Variants in SRPX observed in about 807,000 individuals in gnomAD.
SRPX encodes sushi repeat containing protein X-linked.
Under a neutral mutation model 38.1 loss-of-function variants are expected in SRPX, and 24 were observed. The ratio of observed to expected loss-of-function variants is 0.63; its 90% CI spans 0.46 to 0.89. The LOEUF is 0.89. Among genes scored for constraint, SRPX ranks in the 40% least tolerant of loss-of-function variants. The pLI, the probability that SRPX is intolerant of heterozygous loss-of-function variation, is 0.00. For synonymous variants in SRPX, 184 were observed against 153.8 expected (o/e 1.20, Z -1.45); for missense variants, 416 against 377.8 (o/e 1.10, Z -0.84).
Position 38,216,233 on chromosome X carries a change from C to T in SRPX, c.97+4463G>A, listed in dbSNP as rs766690671. On this transcript the variant is annotated intron_variant, in intron 1 of 9. Coordinates refer to ENST00000378533, the MANE Select transcript of SRPX (RefSeq NM_006307.5). ...CCACATAGCTCCTCTCTGTGCTCCC[C>T]GGGCCTGTCAATCCAATTGTATTAT... Among the ~76,000 whole-genome samples, 266 of 112,020 alleles carry T rather than the reference C, an allele frequency of 2.4e-3. 2 individuals carry two copies. The highest frequency in any genetic ancestry group is 8.4e-3 in the African/African-American group (260 of 30,833).
chrX:38,183,463 T>A (rs73469678), intron 1 of SRPX, among the ~76,000 whole-genome samples: 15 of 112,104 alleles, frequency 1.3e-4, no homozygotes, highest in African/African-American at 4.9e-4. Context: ...TCTATAAAAA[T>A]ATGATGACTA....
intron 6 of SRPX, 77 bp from the exon 7 acceptor site, chrX:38,160,273 G>T: frequency 4.9e-6 from 5 of 1,029,772 alleles, no homozygotes; most frequent in Admixed American, 2.4e-5. Flanking sequence ...TGAGGATGCA[G>T]AGGCATCAGC....
rs1263038901 is a variant in SRPX at position 38,152,442 on chromosome X, T to A, written c.1211+2020A>T. On this transcript the variant is annotated intron_variant, in intron 9 of 9. Transcript: ENST00000378533. ...AACTAGGCCAGTGGTCCTCACCATG[T>A]GGTCTCTTGGGAGCTCACGAGAAAT... 2.7e-5 allele frequency among the ~76,000 whole-genome samples: 3 copies of A among 112,329 alleles called. No individual in the cohort carries two copies. The East Asian group carries it at 8.3e-4, about 31-fold the overall frequency.
chrX:38,197,123 T>G (rs1462244422), intron 1 of SRPX, among the ~76,000 whole-genome samples: 1 of 112,272 alleles, frequency 8.9e-6, no homozygotes, highest in Admixed American at 9.4e-5. Context: ...CAACAGATGA[T>G]GAAACCATAG....
intron 1 of SRPX, among the ~76,000 whole-genome samples, chrX:38,189,708 T>C (rs1221441961): frequency 8.9e-6 from 1 of 111,915 alleles, no homozygotes; most frequent in Non-Finnish European, 1.9e-5. Flanking sequence ...AACCATTCCA[T>C]TCACATTGAT....
chrX:38,163,929 G>A (rs1299299354), intron 5 of SRPX, among the ~76,000 whole-genome samples: 1 of 111,656 alleles, frequency 9.0e-6, no homozygotes, highest in Non-Finnish European at 1.9e-5. Context: ...AGACACAGAT[G>A]GCTTCCCAGT....
chrX:38,207,527 T>C (rs758397217), intron 1 of SRPX, among the ~76,000 whole-genome samples: 1 of 112,309 alleles, frequency 8.9e-6, no homozygotes, highest in African/African-American at 3.2e-5. Flanking sequence ...TGATGTGGCA[T>C]GTGGTCCTTC....
intron 1 of SRPX, among the ~76,000 whole-genome samples, chrX:38,219,914 G>C (rs550633612): frequency 1.2e-4 from 14 of 112,854 alleles, no homozygotes; most frequent in African/African-American, 4.5e-4. Flanking sequence ...TCCAGGGTGA[G>C]GAAGTTAGCT....
At chrX:38,170,175 T>TTC (rs1311391987) in intron 4 of SRPX, among the ~76,000 whole-genome samples, 1 of 111,638 alleles carries the variant, frequency 9.0e-6, no homozygotes, top group Admixed American at 9.5e-5. Context: ...AAGCCCAGTC[T>TTC]TCTCTCTTCC....
chrX:38,170,366 T>C (rs1321444455), intron 4 of SRPX, among the ~76,000 whole-genome samples: 1 of 112,363 alleles, frequency 8.9e-6, no homozygotes, highest in Non-Finnish European at 1.9e-5. Context: ...CAAAAACAAA[T>C]TTATTAAACT....
intron 1 of SRPX, among the ~76,000 whole-genome samples, chrX:38,183,059 T>C (rs1938702337): frequency 9.2e-6 from 1 of 108,980 alleles, no homozygotes; most frequent in African/African-American, 3.3e-5. Flanking sequence ...TGATAGATTT[T>C]TTTTTTTTTT....
At chrX:38,168,738 G>A (rs1270331810) in intron 4 of SRPX, among the ~76,000 whole-genome samples, 2 of 112,388 alleles carry the variant, frequency 1.8e-5, no homozygotes, top group East Asian at 2.8e-4. Flanking sequence ...CAGCCAGAGC[G>A]TAATCTCTGT....
At position 38,178,315 on chromosome X, in the gene SRPX, C is replaced by G; in HGVS notation, c.127G>C (p.Glu43Gln). 1 of 1,210,482 alleles carries G rather than the reference C, an allele frequency of 8.3e-7. No homozygotes were observed. Among genetic ancestry groups the G allele is most frequent in the Non-Finnish European group, 1.1e-6 (1 of 894,753 alleles). ...GSGDSPLEDDEVGYSHPRYKD... is the reference protein window; with the variant it reads ...GSGDSPLEDDQVGYSHPRYKD... ...TATCTAGGGTGTGAATACCCGACTT[C>G]ATCGTCTTCTAGTGGTGAGTCTCCC... The change falls in exon 2 of 10, where the codon GAA becomes CAA. Residue 43 changes from glutamate (E) to glutamine (Q), a missense_variant. Physicochemically the swap from Glu to Gln is conservative, Grantham distance 29 (BLOSUM62 2). Coordinates refer to ENST00000378533, the MANE Select transcript of SRPX (RefSeq NM_006307.5).
chrX:38,217,515 A>C (rs988576864), intron 1 of SRPX, among the ~76,000 whole-genome samples: 2 of 111,872 alleles, frequency 1.8e-5, no homozygotes, highest in African/African-American at 6.5e-5. Context: ...AGACTGGAAA[A>C]TTAGGCTAGA....
At chrX:38,187,456 T>C (rs1203363501) in intron 1 of SRPX, among the ~76,000 whole-genome samples, 2 of 112,360 alleles carry the variant, frequency 1.8e-5, no homozygotes, top group African/African-American at 6.5e-5. Flanking sequence ...TTGTCAAGTT[T>C]ACTCTATGAG....
chrX:38,194,258 G>A (rs968589037), intron 1 of SRPX, among the ~76,000 whole-genome samples: 6 of 111,105 alleles, frequency 5.4e-5, no homozygotes, highest in African/African-American at 2.0e-4. Flanking sequence ...CTTCCCCTGA[G>A]AATTAATAAC....
intron 8 of SRPX, 114 bp from the exon 9 acceptor site, chrX:38,154,697 C>T: frequency 1.0e-6 from 1 of 954,872 alleles, no homozygotes; most frequent in East Asian, 3.3e-5. Context: ...TTTATTTGCT[C>T]ACTCTGAACT....
intron 1 of SRPX, among the ~76,000 whole-genome samples, chrX:38,196,155 G>A (rs1938996643): frequency 2.7e-5 from 3 of 111,945 alleles, no homozygotes; most frequent in Non-Finnish European, 5.6e-5. Context: ...GTGACAATTT[G>A]GAATCAGCGT....
intron 1 of SRPX, among the ~76,000 whole-genome samples, chrX:38,185,148 A>G (rs1163848849): frequency 8.9e-6 from 1 of 112,084 alleles, no homozygotes; most frequent in Non-Finnish European, 1.9e-5. Context: ...TTGTATACCC[A>G]GTATATGATT....
Sources: allele counts gnomAD v4.1 joint callset (sites outside exome capture counted in the v4.1 genomes callset), GRCh38; gene constraint gnomAD v4.1.1; transcripts MANE v1.5; gene names NCBI Gene and HGNC (gene_info 2026-07-23, HGNC 2026-07-21).